C6orf89: variants seen among roughly 807,000 people sequenced by gnomAD.
C6orf89 encodes bombesin receptor-activated protein C6orf89.
Under a neutral mutation model 40.7 loss-of-function variants are expected in C6orf89, and 29 were observed. That is an observed-to-expected ratio of 0.71 (90% CI 0.53 to 0.97). C6orf89 has a LOEUF of 0.97. Among genes scored for constraint, C6orf89 ranks in the 50% least tolerant of loss-of-function variants. C6orf89 has a pLI of 0.00. For synonymous variants in C6orf89, 165 were observed against 152.2 expected (o/e 1.08, Z -0.62); for missense variants, 392 against 429.1 (o/e 0.91, Z 0.76).
At chr6:36,883,127 A>G (rs1774871311), upstream of C6orf89, 2 of 152,184 alleles carry the variant, frequency 1.3e-5, no homozygotes, top group Non-Finnish European at 2.9e-5. Context: ...ATTATAGTGT[A>G]TTTTCACCAG....
intron 4 of C6orf89, among the ~76,000 whole-genome samples, chr6:36,907,299 TGTTTTG>T (rs1283940567): frequency 6.6e-6 from 1 of 152,186 alleles, no homozygotes; most frequent in Non-Finnish European, 1.5e-5. Flanking sequence ...TGTTTTGTTT[TGTTTTG>T]TTTTGTTTTT....
chr6:36,874,658 G>A (rs1372011085), intron 1 of C6orf89: 14 of 1,591,376 alleles, frequency 8.8e-6, no homozygotes, highest in Non-Finnish European at 1.2e-5. Context: ...ACGCAGACCC[G>A]TGGTGAGGCC....
Position 36,916,435 on chromosome 6 carries a change from A to G in C6orf89, c.696-10A>G, listed in dbSNP as rs1277571192. 6.2e-7 allele frequency: 1 copy of G among 1,613,666 alleles called. No individual in the cohort carries two copies. The highest frequency in any genetic ancestry group is 8.5e-7 in the Non-Finnish European group (1 of 1,179,810). On this transcript the variant is annotated splice_polypyrimidine_tract_variant and intron_variant, in intron 6 of 8. Coordinates refer to ENST00000480824, the MANE Select transcript of C6orf89 (RefSeq NM_001286635.2). ...TTTAATTACTTTTTTTCTGTTTCAT[A>G]CTTCTACAGGAGGAGACCTCTGAAC... is the stretch of plus-strand genomic sequence containing the variant.
rs531768513 is a variant in C6orf89 at position 36,895,391 on chromosome 6, A to C, written c.-20+788A>C. 7.9e-5 allele frequency among the ~76,000 whole-genome samples: 12 copies of C among 152,228 alleles called. No individual in the cohort carries two copies. The East Asian group carries it at 2.3e-3, about 29-fold the overall frequency. On this transcript the variant is annotated intron_variant, in intron 2 of 8. Transcript: ENST00000480824. ...TTTGTAATCCATCCTCCTGGCTGCT[A>C]ATCAAAAATGGCTTAGTGAAAAGAA...
chr6:36,902,241 A>G lies in C6orf89; in HGVS notation c.210A>G (p.Leu70=). Residue 70 remains leucine, a synonymous_variant, in exon 4 of 9, where the codon TTA becomes TTG. Transcript: ENST00000480824. ...TGTAGGTTCTCGCAACCTTGGGATT[A>G]ATCTTGCTCACTGCCTACTTTGTGA... is the stretch of plus-strand genomic sequence containing the variant. ...VVYKVLATLG[L]ILLTAYFVIQ... The G allele has an allele frequency of 1.2e-6, 2 of 1,614,126 alleles. No individual in the cohort carries two copies. The highest frequency in any genetic ancestry group is 1.7e-6 in the Non-Finnish European group (2 of 1,180,022).
intron 4 of C6orf89, among the ~76,000 whole-genome samples, chr6:36,910,362 C>A (rs73420340): frequency 0.01 from 1,542 of 152,094 alleles, 26 homozygotes; most frequent in African/African-American, 0.035. Context: ...TATTTTCTTC[C>A]ATATAGATGG....
At position 36,914,652 on chromosome 6, in the gene C6orf89, G is replaced by A; in HGVS notation, c.654G>A (p.Trp218Ter). ...CTGAAGGGTTTTTCGCCAAGTGGTG[G>A]CGCTGCTTTCCTGAGCGGTGGTTCC... is the stretch of plus-strand genomic sequence containing the variant. ...GFSEGFFAKW[W>*]RCFPERWFPF... Residue 218 changes from tryptophan to a stop codon, truncating the protein, a stop_gained, in exon 6 of 9, where the codon TGG becomes TGA. Coordinates refer to ENST00000480824, the MANE Select transcript of C6orf89 (RefSeq NM_001286635.2). LOFTEE classifies it high-confidence loss of function. 6.2e-7 allele frequency: 1 copy of A among 1,614,234 alleles called. No homozygotes were observed. The highest frequency in any genetic ancestry group is 8.5e-7 in the Non-Finnish European group (1 of 1,180,054).
chr6:36,890,876 TTTAAG>T (rs1418457055), intron 1 of C6orf89, among the ~76,000 whole-genome samples: 3 of 152,206 alleles, frequency 2.0e-5, no homozygotes, highest in East Asian at 1.9e-4. Context: ...TTATTGTAGT[TTTAAG>T]TTATTACTCT....
At chr6:36,885,909 G>GC (rs11461876), upstream of C6orf89, 884,035 of 884,062 alleles carry the variant, frequency 1, 442,004 homozygotes, top group South Asian at 1. Flanking sequence ...ACAAGGCCTC[G>GC]CCCAGGAGTG....
Position 36,899,437 on chromosome 6 carries a change from T to C in C6orf89, c.-8T>C. 6.2e-7 allele frequency: 1 copy of C among 1,614,112 alleles called. No individual in the cohort carries two copies. Among genetic ancestry groups the C allele is most frequent in the Non-Finnish European group, 8.5e-7 (1 of 1,179,972 alleles). On this transcript the variant is annotated 5_prime_UTR_variant, in exon 3 of 9. Transcript: ENST00000480824. ...TCCGTCTCTCTCAGGGATTTTATAT[T>C]GGAAGACATGGATCTTGCTGCCAAC...
chr6:36,908,076 C>T (rs1411315085), intron 4 of C6orf89, among the ~76,000 whole-genome samples: 1 of 152,212 alleles, frequency 6.6e-6, no homozygotes, highest in Non-Finnish European at 1.5e-5. Context: ...CCTACCTCCA[C>T]CCCTAGTTCA....
At chr6:36,891,144 C>G (rs944688710) in intron 1 of C6orf89, among the ~76,000 whole-genome samples, 4 of 152,128 alleles carry the variant, frequency 2.6e-5, no homozygotes, top group African/African-American at 9.7e-5. Context: ...TCCCTCCCCA[C>G]TCCCCTACCC....
rs989026917 is a variant in C6orf89, at chr6:36,927,133, G to C, written c.*3692G>C. 3.3e-5 allele frequency: 5 copies of C among 152,218 alleles called. No homozygotes were observed. Among genetic ancestry groups the C allele is most frequent in the African/African-American group, 1.2e-4 (5 of 41,450 alleles). 9.4% of individuals were successfully genotyped at this position (152,218 alleles called of 1,614,324 possible). A position where few individuals can be genotyped will look rare whatever the true frequency, so the allele number is the denominator to read the frequency against. On this transcript the variant is annotated 3_prime_UTR_variant, in exon 9 of 9. Coordinates refer to ENST00000480824, the MANE Select transcript of C6orf89 (RefSeq NM_001286635.2). ...CCTGTCTCCACATTCTTCCAGATGT[G>C]TGACAGAGGAGGGACTCTGCTCAAT...
intron 1 of C6orf89, among the ~76,000 whole-genome samples, chr6:36,877,069 G>A (rs911889513): frequency 1.3e-5 from 2 of 151,986 alleles, no homozygotes; most frequent in African/African-American, 4.8e-5. Context: ...TTTGTGCCTG[G>A]CTTCCTTTCC....
rs950070284 is a variant in C6orf89, at chr6:36,923,545, T to G, written c.*104T>G. ...AAACTGCTTTCTGGGGGTTGGTTAC[T>G]TAGTTACCTGCCCTTTGCATGCATG... On this transcript the variant is annotated 3_prime_UTR_variant, in exon 9 of 9. Transcript: ENST00000480824. 12 of 868,238 alleles carry G rather than the reference T, an allele frequency of 1.4e-5. No homozygotes were observed. Among genetic ancestry groups the G allele is most frequent in the Admixed American group, 8.0e-5 (4 of 49,938 alleles). 53.8% of individuals were successfully genotyped at this position (868,238 alleles called of 1,614,324 possible).
At chr6:36,887,806 A>T (rs562750169) in intron 1 of C6orf89, among the ~76,000 whole-genome samples, 1 of 152,140 alleles carries the variant, frequency 6.6e-6, no homozygotes, top group African/African-American at 2.4e-5. Context: ...GCAGCCTCGA[A>T]CTCCTGGGCT....
At chr6:36,908,829 G>A (rs773939607) in intron 4 of C6orf89, among the ~76,000 whole-genome samples, 4 of 152,342 alleles carry the variant, frequency 2.6e-5, no homozygotes, top group Non-Finnish European at 5.9e-5. Context: ...GCCTCTTCCA[G>A]TTTCTGGTGG....
At chr6:36,889,247 C>T (rs941775082) in intron 1 of C6orf89, among the ~76,000 whole-genome samples, 1 of 152,168 alleles carries the variant, frequency 6.6e-6, no homozygotes, top group South Asian at 2.1e-4. Context: ...CTGAAAAAAA[C>T]GTCCTTCGAA....
At position 36,928,581 on chromosome 6, in the gene C6orf89, G is replaced by A. The variant is rs1180461282; in HGVS notation, c.*5140G>A. Reference sequence around the variant, plus strand: ...TCCACAGTTTTACCCTCAGAAAAATGTTGGCTGCAGTCTTCCCTTCCTTCA... The same window carrying A: ...TCCACAGTTTTACCCTCAGAAAAATATTGGCTGCAGTCTTCCCTTCCTTCA... On this transcript the variant is annotated 3_prime_UTR_variant, in exon 9 of 9. Coordinates refer to ENST00000480824, the MANE Select transcript of C6orf89 (RefSeq NM_001286635.2). The A allele has an allele frequency of 1.3e-5, 2 of 152,262 alleles. No individual in the cohort carries two copies. Among genetic ancestry groups the A allele is most frequent in the Non-Finnish European group, 2.9e-5 (2 of 68,098 alleles). The allele number at this position is 152,262 out of a possible 1,614,324, so 9.4% of individuals were successfully genotyped here. A position where few individuals can be genotyped will look rare whatever the true frequency, so the allele number is the denominator to read the frequency against.
Sources: allele counts gnomAD v4.1 joint callset (sites outside exome capture counted in the v4.1 genomes callset), GRCh38; gene constraint gnomAD v4.1.1; transcripts MANE v1.5; gene names NCBI Gene and HGNC (gene_info 2026-07-23, HGNC 2026-07-21).